Variants in TTC6 observed in about 807,000 individuals in gnomAD.
TTC6 encodes tetratricopeptide repeat domain 6, also known as tetratricopeptide repeat protein 6.
TTC6 carries 172 observed loss-of-function variants against 210.4 expected under a neutral mutation model. The ratio of observed to expected loss-of-function variants is 0.82; its 90% CI spans 0.72 to 0.93. The LOEUF (loss-of-function observed/expected upper bound fraction) is 0.93, where lower values mean the gene tolerates loss of function less well. Ranked by LOEUF, TTC6 falls within the 40% of genes least tolerant of loss-of-function variation. TTC6 has a pLI of 0.00. For missense variants in TTC6, 2,414 were observed against 2,318.1 expected (o/e 1.04, Z -0.85); for synonymous variants, 804 against 819.6 (o/e 0.98, Z 0.32).
At chr14:37,722,080 TG>T (rs1233386865) in intron 6 of TTC6, among the ~76,000 whole-genome samples, 1 of 151,810 alleles carries the variant, frequency 6.6e-6, no homozygotes, top group African/African-American at 2.4e-5. Flanking sequence ...GAAACTAATT[TG>T]CATGTCTCTT....
intron 1 of TTC6, among the ~76,000 whole-genome samples, chr14:37,664,599 T>C (rs1479402375): frequency 1.3e-5 from 2 of 150,424 alleles, no homozygotes; most frequent in African/African-American, 2.4e-5. Context: ...GGGCAAAGAT[T>C]TCAAGATGAA....
chr14:37,753,559 G>A (rs1290237480), intron 14 of TTC6, among the ~76,000 whole-genome samples: 1 of 152,004 alleles, frequency 6.6e-6, no homozygotes, highest in Non-Finnish European at 1.5e-5. Flanking sequence ...ACAGTTTCTT[G>A]CAGTTATCTT....
chr14:37,795,121 A>G, intron 17 of TTC6, 149 bp from the exon 20 acceptor site: 2 of 463,056 alleles, frequency 4.3e-6, no homozygotes, highest in East Asian at 6.7e-5. Context: ...ACTTCTCTGT[A>G]TCCCATTTGC....
chr14:37,783,858 A>T (rs541748017), intron 14 of TTC6, among the ~76,000 whole-genome samples: 19 of 152,308 alleles, frequency 1.2e-4, no homozygotes, highest in East Asian at 1.9e-4. Context: ...TTCAAAGAAC[A>T]TCTTTATTTC....
Position 37,792,445 on chromosome 14 carries a change from T to TA in TTC6, c.3708+38dup, listed in dbSNP as rs969791833. On this transcript the variant is annotated intron_variant, in intron 17 of 30. Coordinates refer to ENST00000553443, the Ensembl canonical transcript of TTC6. ...TAAGGCTCGAGAACCTTGATTTTTT[T>TA]AAAAAAACTTTAATTTTCTGGATAT... is the stretch of plus-strand genomic sequence containing the variant. 4.3e-5 allele frequency: 62 copies of TA among 1,432,570 alleles called. No homozygotes were observed. In the East Asian group the frequency reaches 7.5e-4, roughly 17 times the overall value. 88.7% of individuals were successfully genotyped at this position (1,432,570 alleles called of 1,614,324 possible). A position where few individuals can be genotyped will look rare whatever the true frequency, so the allele number is the denominator to read the frequency against.
intron 1 of TTC6, among the ~76,000 whole-genome samples, chr14:37,638,712 T>G (rs1178770005): frequency 2.6e-5 from 4 of 152,160 alleles, no homozygotes; most frequent in Non-Finnish European, 2.9e-5. Flanking sequence ...ATCCTGGTTG[T>G]GATATTGTAT....
intron 7 of TTC6, among the ~76,000 whole-genome samples, chr14:37,732,795 C>T (rs12882021): frequency 0.93 from 141,327 of 151,716 alleles, 66,659 homozygotes; most frequent in East Asian, 1. Flanking sequence ...TTTTTTTGTA[C>T]TTTTAGTAGA....
At chr14:37,799,210 C>T (rs375890328) in intron 20 of TTC6, among the ~76,000 whole-genome samples, 1 of 152,056 alleles carries the variant, frequency 6.6e-6, no homozygotes, top group East Asian at 1.9e-4. Context: ...TATTTTTTCT[C>T]CCTGGGCATT....
At chr14:37,612,066 A>C (rs1186778434) in intron 2 of TTC6, among the ~76,000 whole-genome samples, 1 of 152,218 alleles carries the variant, frequency 6.6e-6, no homozygotes, top group Non-Finnish European at 1.5e-5. Context: ...TAGAGGCATA[A>C]TTTATATTCA....
chr14:37,820,595 A>G (rs1191744452), intron 26 of TTC6, among the ~76,000 whole-genome samples: 2 of 152,138 alleles, frequency 1.3e-5, no homozygotes, highest in African/African-American at 4.8e-5. Flanking sequence ...AGGGTGTATG[A>G]TGCAATTTGG....
chr14:37,681,053 A>C, intron 2 of TTC6, among the ~76,000 whole-genome samples: 1 of 152,156 alleles, frequency 6.6e-6, no homozygotes, highest in East Asian at 1.9e-4. Flanking sequence ...CTTTGGGCCC[A>C]TATATTTTTC....
chr14:37,810,827 T>G (rs2096128094), intron 24 of TTC6, among the ~76,000 whole-genome samples: 3 of 152,228 alleles, frequency 2.0e-5, no homozygotes, highest in African/African-American at 7.2e-5. Flanking sequence ...TCTAACACTT[T>G]ATATTAATAA....
chr14:37,764,078 T>C (rs527715899), intron 14 of TTC6, among the ~76,000 whole-genome samples: 1 of 152,132 alleles, frequency 6.6e-6, no homozygotes, highest in Non-Finnish European at 1.5e-5. Context: ...CACGTACTTG[T>C]GAATTTCCCA....
chr14:37,731,997 T>A (rs2095887451), intron 7 of TTC6, among the ~76,000 whole-genome samples: 1 of 152,054 alleles, frequency 6.6e-6, no homozygotes, highest in South Asian at 2.1e-4. Flanking sequence ...TTATATATAA[T>A]TGATCCTTGA....
intron 14 of TTC6, among the ~76,000 whole-genome samples, chr14:37,787,176 CTTATT>C (rs1195003593): frequency 2.6e-5 from 4 of 152,086 alleles, no homozygotes; most frequent in Admixed American, 6.6e-5. Flanking sequence ...AAATGTCATA[CTTATT>C]TTATTGACAT....
intron 10 of TTC6, among the ~76,000 whole-genome samples, chr14:37,748,125 A>C (rs73262985): frequency 1.3e-5 from 2 of 152,346 alleles, no homozygotes; most frequent in African/African-American, 4.8e-5. Flanking sequence ...GGAATTAAGA[A>C]ATTATTCTGC....
chr14:37,804,903 A>T, intron 21 of TTC6, 89 bp downstream of exon 23: 2 of 1,471,552 alleles, frequency 1.4e-6, no homozygotes, highest in Non-Finnish European at 1.9e-6. Context: ...CCACCTATAC[A>T]GTGGGCAACC....
chr14:37,706,672 G>A (rs147855100), intron 5 of TTC6, among the ~76,000 whole-genome samples: 21 of 152,198 alleles, frequency 1.4e-4, no homozygotes, highest in African/African-American at 4.6e-4. Context: ...GAAACAACAT[G>A]TGTATTATAT....
intron 7 of TTC6, among the ~76,000 whole-genome samples, chr14:37,732,331 C>A (rs147232777): frequency 6.6e-6 from 1 of 150,790 alleles, no homozygotes; most frequent in Non-Finnish European, 1.5e-5. Flanking sequence ...TACAGGAGCC[C>A]GCCACCACGC....
Sources: allele counts gnomAD v4.1 joint callset (sites outside exome capture counted in the v4.1 genomes callset), GRCh38; gene constraint gnomAD v4.1.1; transcripts MANE v1.5; gene names NCBI Gene and HGNC (gene_info 2026-07-23, HGNC 2026-07-21).